The following FCHSD2 variants were observed in gnomAD, a reference collection of about 807,000 sequenced individuals.
FCHSD2 encodes the protein F-BAR and double SH3 domains protein 2.
FCHSD2 carries 38 observed loss-of-function variants against 108.1 expected under a neutral mutation model. The ratio of observed to expected loss-of-function variants is 0.35; its 90% CI spans 0.27 to 0.46. The LOEUF is 0.46. Among genes scored for constraint, FCHSD2 ranks in the 20% least tolerant of loss-of-function variants. The probability of loss-of-function intolerance (pLI) is 1.00; values close to 1 mark genes in which losing one functional copy is unlikely to be tolerated. For synonymous variants in FCHSD2, 279 were observed against 314.7 expected, an observed-to-expected ratio of 0.89 and a Z score of 1.20; for missense variants, 751 against 897.8, an observed-to-expected ratio of 0.84 and a Z score of 2.09.
At chr11:72,863,166 A>G (rs2135194728) in intron 13 of FCHSD2, among the ~76,000 whole-genome samples, 1 of 152,148 alleles carries the variant, frequency 6.6e-6, no homozygotes, top group East Asian at 1.9e-4. Context: ...CCTGGCCAGA[A>G]GTGATCCTCC....
At chr11:73,138,978 T>A (rs1861185623) in intron 2 of FCHSD2, among the ~76,000 whole-genome samples, 2 of 152,186 alleles carry the variant, frequency 1.3e-5, no homozygotes, top group Non-Finnish European at 2.9e-5. Flanking sequence ...AATACAGAAT[T>A]AAAATTGTAA....
At chr11:72,902,676 G>A in intron 9 of FCHSD2, 38 bp from the exon 10 acceptor site, 2 of 1,244,874 alleles carry the variant, frequency 1.6e-6, no homozygotes, top group South Asian at 1.3e-5. Flanking sequence ...TCTTTAATGA[G>A]GTTAAAATGT....
At chr11:72,986,279 T>G (rs1857309871) in intron 6 of FCHSD2, among the ~76,000 whole-genome samples, 1 of 152,120 alleles carries the variant, frequency 6.6e-6, no homozygotes, top group Admixed American at 6.5e-5. Context: ...GCGTGATCTC[T>G]GCTCACTGCA....
chr11:73,082,245 G>A (rs1483887382), intron 3 of FCHSD2, among the ~76,000 whole-genome samples: 1 of 142,180 alleles, frequency 7.0e-6, no homozygotes, highest in Non-Finnish European at 1.5e-5. Context: ...GCTGAGGCAG[G>A]AGAATCGCTT....
chr11:73,090,163 C>A (rs916526509), intron 2 of FCHSD2, among the ~76,000 whole-genome samples: 1 of 150,348 alleles, frequency 6.7e-6, no homozygotes, highest in Non-Finnish European at 1.5e-5. Context: ...ATAATGTAAA[C>A]CATCTTTTCA....
chr11:72,974,287 T>G (rs751255993), intron 8 of FCHSD2, among the ~76,000 whole-genome samples: 2 of 152,114 alleles, frequency 1.3e-5, no homozygotes, highest in Non-Finnish European at 2.9e-5. Flanking sequence ...AGAGGGAAAG[T>G]GGAAAGGGGC....
At chr11:73,028,167 C>T (rs752229198) in intron 3 of FCHSD2, among the ~76,000 whole-genome samples, 4 of 152,052 alleles carry the variant, frequency 2.6e-5, no homozygotes, top group African/African-American at 7.2e-5. Context: ...GAAAACCTCA[C>T]ACCATGTACC....
intron 10 of FCHSD2, chr11:72,900,146 C>A (rs977010260): frequency 1.6e-6 from 1 of 623,464 alleles, no homozygotes; most frequent in African/African-American, 1.9e-5. Flanking sequence ...GCATCAGGGC[C>A]TCTTATACAT....
At chr11:72,846,340 C>G (rs1382705830) in intron 14 of FCHSD2, among the ~76,000 whole-genome samples, 1 of 152,036 alleles carries the variant, frequency 6.6e-6, no homozygotes, top group Non-Finnish European at 1.5e-5. Flanking sequence ...ACCACCATGC[C>G]TGGCTAATTT....
At chr11:73,021,942 C>T (rs1238748380) in intron 3 of FCHSD2, among the ~76,000 whole-genome samples, 1 of 151,694 alleles carries the variant, frequency 6.6e-6, no homozygotes, top group Non-Finnish European at 1.5e-5. Flanking sequence ...CCTGGTGGTG[C>T]ACACCTGTGG....
chr11:72,838,558 G>A lies in FCHSD2; in HGVS notation c.*233C>T, dbSNP rs1860802800. 3 of 555,588 alleles carry A rather than the reference G, an allele frequency of 5.4e-6. No individual in the cohort carries two copies. The highest frequency in any genetic ancestry group is 2.1e-5 in the South Asian group (1 of 48,094). 34.4% of individuals were successfully genotyped at this position (555,588 alleles called of 1,614,324 possible). ...GCCCCCCTCTTTGCTCCTAGGGTCC[G>A]CTAGGATTTGTGCTATGGTAGGAGA... On this transcript the variant is annotated 3_prime_UTR_variant, in exon 20 of 20. Coordinates refer to ENST00000409418, the MANE Select transcript of FCHSD2 (RefSeq NM_014824.3).
chr11:73,046,947 T>C (rs1276456582), intron 3 of FCHSD2, among the ~76,000 whole-genome samples: 1 of 152,118 alleles, frequency 6.6e-6, no homozygotes, highest in African/African-American at 2.4e-5. Flanking sequence ...TGTTAAATAA[T>C]TTATATCCAC....
At chr11:73,118,034 G>A (rs2135554346) in intron 2 of FCHSD2, among the ~76,000 whole-genome samples, 1 of 152,174 alleles carries the variant, frequency 6.6e-6, no homozygotes, top group South Asian at 2.1e-4. Flanking sequence ...ACATAGAATG[G>A]GGCCAGGCCC....
At chr11:72,845,707 T>C (rs1044044279) in intron 14 of FCHSD2, among the ~76,000 whole-genome samples, 1 of 152,196 alleles carries the variant, frequency 6.6e-6, no homozygotes, top group Non-Finnish European at 1.5e-5. Context: ...ACCATGTTCT[T>C]CCTTGCCTCT....
Position 73,001,220 on chromosome 11 carries a change from C to A in FCHSD2, c.243-86G>T. On this transcript the variant is annotated intron_variant, in intron 4 of 19. Coordinates refer to ENST00000409418, the MANE Select transcript of FCHSD2 (RefSeq NM_014824.3). ...CCTTTTGCTCACAGGGCAGCACTGA[C>A]AGAATAAATGAATGTCTTCTTTAAT... is the stretch of plus-strand genomic sequence containing the variant. 3.6e-6 allele frequency: 4 copies of A among 1,105,282 alleles called. No individual in the cohort carries two copies. In the African/African-American group the frequency reaches 6.3e-5, roughly 17 times the overall value. The allele number at this position is 1,105,282 out of a possible 1,614,324, so 68.5% of individuals were successfully genotyped here.
chr11:73,103,682 G>A (rs951699983), intron 2 of FCHSD2, among the ~76,000 whole-genome samples: 24 of 151,924 alleles, frequency 1.6e-4, no homozygotes, highest in African/African-American at 5.8e-4. Context: ...TATTATTACT[G>A]CCAAGTGAAA....
chr11:72,920,472 G>A (rs771200186), intron 9 of FCHSD2, among the ~76,000 whole-genome samples: 2 of 152,172 alleles, frequency 1.3e-5, no homozygotes, highest in African/African-American at 4.8e-5. Flanking sequence ...TGGGCATGGT[G>A]GCTCATGCCT....
intron 12 of FCHSD2, among the ~76,000 whole-genome samples, chr11:72,874,391 T>C (rs1224226165): frequency 6.6e-6 from 1 of 152,194 alleles, no homozygotes; most frequent in Non-Finnish European, 1.5e-5. Context: ...TGTCTCACTA[T>C]GTTGCCTAGG....
chr11:72,880,661 A>C (rs990977147), intron 12 of FCHSD2, among the ~76,000 whole-genome samples: 2 of 152,208 alleles, frequency 1.3e-5, no homozygotes, highest in South Asian at 4.2e-4. Flanking sequence ...CACACCTGTA[A>C]TCTTAGCACT....
Sources: gnomAD v4.1 joint callset for allele counts (sites outside exome capture counted in the v4.1 genomes callset) on GRCh38, gnomAD v4.1.1 for gene constraint, MANE v1.5 for transcripts, NCBI Gene and HGNC (gene_info 2026-07-23, HGNC 2026-07-21) for gene names.